The following IMMP2L variants were observed in gnomAD, a reference collection of about 807,000 sequenced individuals.
IMMP2L encodes the protein mitochondrial inner membrane protease subunit 2.
A neutral mutation model predicts 19.3 loss-of-function variants in IMMP2L; 18 were observed. The observed-to-expected ratio is 0.93, with a 90% confidence interval of 0.64 to 1.38. IMMP2L has a LOEUF of 1.38. IMMP2L is among the 40% of genes most tolerant of loss of function. The pLI is 0.00. For synonymous variants in IMMP2L, 76 were observed against 73.0 expected (o/e 1.04, Z -0.21); for missense variants, 233 against 218.2 (o/e 1.07, Z -0.43).
At chr7:111,396,718 C>T (rs1243022837) in intron 3 of IMMP2L, among the ~76,000 whole-genome samples, 1 of 151,976 alleles carries the variant, frequency 6.6e-6, no homozygotes, top group African/African-American at 2.4e-5. Flanking sequence ...TGTATATATA[C>T]AATACTATCA....
At chr7:111,353,884 T>C (rs778539815) in intron 3 of IMMP2L, among the ~76,000 whole-genome samples, 17 of 152,264 alleles carry the variant, frequency 1.1e-4, no homozygotes, top group Non-Finnish European at 2.2e-4. Context: ...TATCCACATA[T>C]TTCTTCTTTC....
chr7:111,551,503 T>A (rs1431759774), intron 1 of IMMP2L, among the ~76,000 whole-genome samples: 2 of 150,208 alleles, frequency 1.3e-5, no homozygotes, highest in Admixed American at 1.3e-4. Flanking sequence ...GAGGTGTGTG[T>A]GTGTGTGTGT....
chr7:111,381,447 T>C (rs1831195241), intron 3 of IMMP2L, among the ~76,000 whole-genome samples: 1 of 152,016 alleles, frequency 6.6e-6, no homozygotes, highest in Non-Finnish European at 1.5e-5. Flanking sequence ...TCAAATAAAC[T>C]ATATTATTAT....
intron 3 of IMMP2L, among the ~76,000 whole-genome samples, chr7:111,073,112 A>C (rs1424716110): frequency 6.6e-6 from 1 of 152,236 alleles, no homozygotes; most frequent in Admixed American, 6.5e-5. Context: ...GTTATGTAAG[A>C]GAAAAACTTC....
At chr7:110,677,809 T>C (rs1333985708) in intron 5 of IMMP2L, among the ~76,000 whole-genome samples, 1 of 151,660 alleles carries the variant, frequency 6.6e-6, no homozygotes, top group African/African-American at 2.4e-5. Flanking sequence ...AATGGATAGA[T>C]AGGTTAGTAC....
chr7:110,685,715 A>AT (rs535275693), intron 5 of IMMP2L, among the ~76,000 whole-genome samples: 17 of 150,766 alleles, frequency 1.1e-4, no homozygotes, highest in Middle Eastern at 3.4e-3. Flanking sequence ...GTTATGTTTC[A>AT]TTTTTTTTTC....
intron 3 of IMMP2L, among the ~76,000 whole-genome samples, chr7:111,155,005 C>T (rs1029008989): frequency 1.3e-5 from 2 of 152,100 alleles, no homozygotes; most frequent in Non-Finnish European, 2.9e-5. Flanking sequence ...TGATCTCCTA[C>T]ACCTTGGCTT....
intron 5 of IMMP2L, among the ~76,000 whole-genome samples, chr7:110,831,212 C>T (rs1432529217): frequency 6.6e-6 from 1 of 152,126 alleles, no homozygotes; most frequent in Admixed American, 6.5e-5. Context: ...TTTCAAATCT[C>T]TCTACCTTCC....
chr7:111,364,216 A>G (rs1829543484), intron 3 of IMMP2L, among the ~76,000 whole-genome samples: 1 of 152,122 alleles, frequency 6.6e-6, no homozygotes, highest in Non-Finnish European at 1.5e-5. Context: ...ACAAAACGTG[A>G]TTGTTAATCA....
At position 110,757,674 on chromosome 7, in the gene IMMP2L, CTGCTT is replaced by C. The variant is rs1798113276; in HGVS notation, c.409-93958_409-93954del. ...CCCTTGTCCAGCAGTGGTAACAGCT[CTGCTT>C]TATCAGGCCTGGGATATGCATATCC... On this transcript the variant is annotated intron_variant, in intron 5 of 5. Transcript: ENST00000405709. This position sits in a 1 kb window ranked among gnomAD's most constrained non-coding sequence, Gnocchi z 4.2. Among the ~76,000 whole-genome samples, 1 of 152,182 alleles carries C rather than the reference CTGCTT, an allele frequency of 6.6e-6. No homozygotes were observed. The highest frequency in any genetic ancestry group is 6.6e-5 in the Admixed American group (1 of 15,256).
intron 3 of IMMP2L, among the ~76,000 whole-genome samples, chr7:111,222,726 A>C (rs1441057264): frequency 6.6e-6 from 1 of 152,092 alleles, no homozygotes; most frequent in African/African-American, 2.4e-5. Flanking sequence ...TAAGGAATGT[A>C]TAAGTGTATA....
chr7:111,200,946 T>C (rs571445604), intron 3 of IMMP2L, among the ~76,000 whole-genome samples: 3 of 152,314 alleles, frequency 2.0e-5, no homozygotes, highest in East Asian at 3.9e-4. Context: ...AACAAAATTA[T>C]AGTACTATAG....
chr7:111,390,382 A>G (rs926052721), intron 3 of IMMP2L, among the ~76,000 whole-genome samples: 1 of 152,056 alleles, frequency 6.6e-6, no homozygotes, highest in Admixed American at 6.6e-5. Context: ...CTCACACCCC[A>G]AACTCCATCT....
chr7:111,410,603 C>T (rs943265039), intron 3 of IMMP2L, among the ~76,000 whole-genome samples: 1 of 150,048 alleles, frequency 6.7e-6, no homozygotes, highest in Non-Finnish European at 1.5e-5. Flanking sequence ...AAAAACAGAT[C>T]CAATTAACAA....
intron 3 of IMMP2L, among the ~76,000 whole-genome samples, chr7:111,266,669 T>A (rs1443970431): frequency 6.6e-6 from 1 of 152,088 alleles, no homozygotes; most frequent in Non-Finnish European, 1.5e-5. Flanking sequence ...GAGGCCTAAC[T>A]GAACTTACAT....
intron 4 of IMMP2L, among the ~76,000 whole-genome samples, chr7:110,962,130 T>C (rs954394127): frequency 6.6e-5 from 10 of 151,988 alleles, no homozygotes; most frequent in African/African-American, 2.2e-4. Flanking sequence ...AGGCTACTAA[T>C]GAGCACTCAA....
At chr7:110,973,990 CTA>C (rs1820431929) in intron 3 of IMMP2L, among the ~76,000 whole-genome samples, 1 of 152,112 alleles carries the variant, frequency 6.6e-6, no homozygotes, top group South Asian at 2.1e-4. Context: ...GTCCTGATAG[CTA>C]TGTGGTTCCC....
chr7:111,375,411 T>C (rs2131154253), intron 3 of IMMP2L, among the ~76,000 whole-genome samples: 1 of 152,232 alleles, frequency 6.6e-6, no homozygotes, highest in East Asian at 1.9e-4. Context: ...GAGTGAAGCC[T>C]GGAAATGTGC....
chr7:110,714,025 C>T (rs777893483), intron 5 of IMMP2L, among the ~76,000 whole-genome samples: 30 of 152,098 alleles, frequency 2.0e-4, no homozygotes, highest in Non-Finnish European at 3.4e-4. Context: ...GGGAATGCCT[C>T]CTGTTTTTAC....
Sources: allele counts gnomAD v4.1 joint callset (sites outside exome capture counted in the v4.1 genomes callset), GRCh38; gene constraint gnomAD v4.1.1; non-coding constraint Gnocchi (gnomAD v3.1); transcripts MANE v1.5; gene names NCBI Gene and HGNC (gene_info 2026-07-23, HGNC 2026-07-21).